U2SURP: variants seen among roughly 807,000 people sequenced by gnomAD.
U2SURP encodes U2 snRNP-associated SURP motif-containing protein.
U2SURP carries 9 observed loss-of-function variants against 144.9 expected under a neutral mutation model. That is an observed-to-expected ratio of 0.06 (90% confidence interval 0.04 to 0.11). The LOEUF (loss-of-function observed/expected upper bound fraction) is 0.11, where lower values mean the gene tolerates loss of function less well. Among genes scored for constraint, U2SURP ranks in the 10% least tolerant of loss-of-function variants. The pLI, the probability that U2SURP is intolerant of heterozygous loss-of-function variation, is 1.00. For synonymous variants in U2SURP, 408 were observed against 396.8 expected (o/e 1.03, Z -0.33); for missense variants, 724 against 1,226.7 (o/e 0.59, Z 6.12).
chr3:143,016,538 C>T (rs1430606163), intron 5 of U2SURP, among the ~76,000 whole-genome samples, 167 bp downstream of exon 5: 1 of 152,084 alleles, frequency 6.6e-6, no homozygotes, highest in African/African-American at 2.4e-5. Flanking sequence ...TATTAATTAG[C>T]AAGATAAATG....
chr3:143,022,813 T>C lies in U2SURP; in HGVS notation c.1019-40T>C, dbSNP rs1932915237. ...CCAGAAAAATTTTGTTTGGAAACTT[T>C]TGAGAGTTAACAAAATGACCTTTCA... On this transcript the variant is annotated intron_variant, in intron 11 of 27. Coordinates refer to ENST00000473835, the MANE Select transcript of U2SURP (RefSeq NM_001080415.2). The C allele has an allele frequency of 4.7e-6, 7 of 1,491,490 alleles. No individual in the cohort carries two copies. In the South Asian group the frequency reaches 5.5e-5, roughly 12 times the overall value. 92.4% of individuals were successfully genotyped at this position (1,491,490 alleles called of 1,614,324 possible).
chr3:143,027,286 T>A, intron 14 of U2SURP, 33 bp downstream of exon 14: 1 of 1,529,778 alleles, frequency 6.5e-7, no homozygotes, highest in Non-Finnish European at 9.0e-7. Flanking sequence ...GAAATATATG[T>A]AACATAAAAT....
Position 143,007,866 on chromosome 3 carries a change from G to T in U2SURP, c.46-2949G>T, listed in dbSNP as rs1343623684. On this transcript the variant is annotated intron_variant, in intron 1 of 27. Coordinates refer to ENST00000473835, the MANE Select transcript of U2SURP (RefSeq NM_001080415.2). ...AAGAGGGAGAAGCTCAGCTTCTGAAGTAGTGCTATATTTACTGTTTACCTT... is the reference window on the plus strand; with the variant it reads ...AAGAGGGAGAAGCTCAGCTTCTGAATTAGTGCTATATTTACTGTTTACCTT... Among the ~76,000 whole-genome samples, 5 of 152,340 alleles carry T rather than the reference G, an allele frequency of 3.3e-5. No individual in the cohort carries two copies. In the East Asian group the frequency reaches 7.7e-4, roughly 23 times the overall value.
In U2SURP at chr3:143,056,431, CAAAG is replaced by C; in HGVS notation, c.3075_3078del (p.Lys1026ThrfsTer8). The C allele has an allele frequency of 6.2e-7, 1 of 1,611,372 alleles. No individual in the cohort carries two copies. The highest frequency in any genetic ancestry group is 8.5e-7 in the Non-Finnish European group (1 of 1,178,794). ...TCTCCACACAGGTCTCATAAAAAGT[CAAAG>C]AAAAACAAACACTGACGTAAATTTT... On this transcript the variant is annotated frameshift_variant, in exon 28 of 28. Coordinates refer to ENST00000473835, the MANE Select transcript of U2SURP (RefSeq NM_001080415.2). LOFTEE classifies it high-confidence loss of function.
At chr3:143,015,828 C>G (rs1936347430) in intron 4 of U2SURP, among the ~76,000 whole-genome samples, 1 of 152,066 alleles carries the variant, frequency 6.6e-6, no homozygotes, top group South Asian at 2.1e-4. Context: ...TTCCTTAATG[C>G]CACTTGTCAG....
chr3:143,021,139 C>T (rs1386195806), intron 8 of U2SURP, among the ~76,000 whole-genome samples: 3 of 151,990 alleles, frequency 2.0e-5, no homozygotes, highest in Non-Finnish European at 2.9e-5. Context: ...TGCAGTGAGC[C>T]GAGAACGTGC....
chr3:143,056,523 A>G lies in U2SURP; in HGVS notation c.*73A>G. 1.3e-6 allele frequency: 2 copies of G among 1,549,052 alleles called. No individual in the cohort carries two copies. Among genetic ancestry groups the G allele is most frequent in the Non-Finnish European group, 1.7e-6 (2 of 1,148,512 alleles). ...GTGCCTGAACGGTCTGTTTTTTAAAAAAACAAAAAATCAAATGAAAGAGCA... is the reference window on the plus strand; with the variant it reads ...GTGCCTGAACGGTCTGTTTTTTAAAGAAACAAAAAATCAAATGAAAGAGCA... On this transcript the variant is annotated 3_prime_UTR_variant, in exon 28 of 28. Transcript: ENST00000473835.
In U2SURP at chr3:143,037,295, C is replaced by T. The variant is rs777466341; in HGVS notation, c.2181C>T (p.Val727=). 10 of 1,612,380 alleles carry T rather than the reference C, an allele frequency of 6.2e-6. No homozygotes were observed. Among genetic ancestry groups the T allele is most frequent in the South Asian group, 1.1e-5 (1 of 90,796 alleles). ...DATPIDDLDG[V]PIKSLDDDLD... ...CTCCCATCGATGATCTTGATGGAGT[C>T]CCTATAAAAAGTCTTGATGATGATC... Residue 727 remains valine, a synonymous_variant, in exon 21 of 28, where the codon GTC becomes GTT. Coordinates refer to ENST00000473835, the MANE Select transcript of U2SURP (RefSeq NM_001080415.2).
chr3:143,046,297 A>ATTTTTTTTTTTTTT (rs11400849), intron 24 of U2SURP, among the ~76,000 whole-genome samples: 3 of 106,392 alleles, frequency 2.8e-5, no homozygotes, highest in African/African-American at 1.0e-4. Context: ...TTTATTTTTT[A>ATTTTTTTTTTTTTT]TTTTTTTTTA....
At chr3:143,020,434 G>A (rs1199474709) in intron 7 of U2SURP, among the ~76,000 whole-genome samples, 165 bp from the exon 8 acceptor site, 3 of 152,222 alleles carry the variant, frequency 2.0e-5, no homozygotes, top group Middle Eastern at 3.4e-3. Context: ...AAATTTGCTC[G>A]TGGTTGTATT....
intron 23 of U2SURP, among the ~76,000 whole-genome samples, chr3:143,041,193 ATTC>A (rs1318368046): frequency 6.6e-6 from 1 of 151,908 alleles, no homozygotes; most frequent in Non-Finnish European, 1.5e-5. Flanking sequence ...TTCTAGAATA[ATTC>A]TTCAGTAAAC....
chr3:143,041,312 T>G (rs1434872647), intron 23 of U2SURP, among the ~76,000 whole-genome samples: 2 of 151,914 alleles, frequency 1.3e-5, no homozygotes, highest in Admixed American at 1.3e-4. Context: ...TTAAAAAAAT[T>G]AACTAAAAAC....
At chr3:143,009,547 G>A (rs1485953475) in intron 1 of U2SURP, among the ~76,000 whole-genome samples, 1 of 151,844 alleles carries the variant, frequency 6.6e-6, no homozygotes, top group Non-Finnish European at 1.5e-5. Context: ...GCAGTGAGCC[G>A]AGGTCGCGCC....
At chr3:143,005,810 C>T (rs1012912751) in intron 1 of U2SURP, among the ~76,000 whole-genome samples, 4 of 150,830 alleles carry the variant, frequency 2.7e-5, no homozygotes, top group Non-Finnish European at 4.4e-5. Flanking sequence ...TTTAGTATGC[C>T]GGTTGAAGTA....
chr3:143,005,167 G>C (rs1016412019), intron 1 of U2SURP, among the ~76,000 whole-genome samples: 1 of 127,166 alleles, frequency 7.9e-6, no homozygotes, highest in Non-Finnish European at 1.6e-5. Context: ...CTTTTTTGCC[G>C]TATCGCCAAA....
chr3:143,006,511 T>C (rs1307798653), intron 1 of U2SURP, among the ~76,000 whole-genome samples: 2 of 152,170 alleles, frequency 1.3e-5, no homozygotes, highest in Non-Finnish European at 2.9e-5. Flanking sequence ...ATCCCAGCAC[T>C]TTGGGAGGCC....
At chr3:143,036,622 A>G (rs1933825791) in intron 20 of U2SURP, among the ~76,000 whole-genome samples, 1 of 152,046 alleles carries the variant, frequency 6.6e-6, no homozygotes, top group Admixed American at 6.6e-5. Context: ...TTACTGTTGC[A>G]ACCCACGTGG....
chr3:143,020,253 T>C (rs944007001), intron 7 of U2SURP, among the ~76,000 whole-genome samples: 2 of 152,208 alleles, frequency 1.3e-5, no homozygotes, highest in Non-Finnish European at 2.9e-5. Context: ...TTCAGTTCAA[T>C]TGATTTACTT....
At chr3:143,026,307 A>G (rs1933143402) in intron 13 of U2SURP, 1 of 152,160 alleles carries the variant, frequency 6.6e-6, no homozygotes, top group Non-Finnish European at 1.5e-5. Context: ...TTGGTAAAAT[A>G]TTGGAAAATA....
Sources: gnomAD v4.1 joint callset for allele counts (sites outside exome capture counted in the v4.1 genomes callset) on GRCh38, gnomAD v4.1.1 for gene constraint, MANE v1.5 for transcripts, NCBI Gene and HGNC (gene_info 2026-07-23, HGNC 2026-07-21) for gene names.